Variants in ATG10 observed in about 807,000 individuals in gnomAD.
ATG10 encodes ubiquitin-like-conjugating enzyme ATG10.
In ATG10, 30 loss-of-function variants were observed where a neutral mutation model predicts 32.1. That is an observed-to-expected ratio of 0.94 (90% CI 0.70 to 1.27). ATG10 has a LOEUF of 1.27. ATG10 is among the 50% of genes most tolerant of loss of function. ATG10 has a pLI of 0.00. For synonymous variants in ATG10, 87 were observed against 91.5 expected (o/e 0.95, Z 0.28); for missense variants, 233 against 262.3 (o/e 0.89, Z 0.77).
intron 3 of ATG10, among the ~76,000 whole-genome samples, chr5:82,063,191 C>T (rs1324900598): frequency 1.3e-5 from 2 of 152,014 alleles, no homozygotes; most frequent in African/African-American, 4.8e-5. Flanking sequence ...TGGTGGCATG[C>T]ACCTGTAGTC....
At chr5:82,098,968 T>C (rs933265520) in intron 3 of ATG10, among the ~76,000 whole-genome samples, 2 of 152,210 alleles carry the variant, frequency 1.3e-5, no homozygotes, top group Non-Finnish European at 2.9e-5. Context: ...TAATTTAGAT[T>C]TAACCAGGGA....
intron 2 of ATG10, among the ~76,000 whole-genome samples, chr5:82,027,865 A>C (rs1762638643): frequency 6.6e-6 from 1 of 152,240 alleles, no homozygotes. Flanking sequence ...AGGAAAAGTT[A>C]CGAGTTGAAG....
chr5:82,150,246 T>C (rs1389781645), intron 3 of ATG10, among the ~76,000 whole-genome samples: 1 of 152,014 alleles, frequency 6.6e-6, no homozygotes, highest in Non-Finnish European at 1.5e-5. Context: ...TTTTTTTTTT[T>C]TTCTTTCCCA....
At chr5:82,144,954 A>G (rs1055370270) in intron 3 of ATG10, among the ~76,000 whole-genome samples, 5 of 152,082 alleles carry the variant, frequency 3.3e-5, no homozygotes, top group African/African-American at 1.2e-4. Flanking sequence ...TTTGCTTCAT[A>G]TAATTTTAGT....
chr5:82,145,489 A>G (rs1469157713), intron 3 of ATG10, among the ~76,000 whole-genome samples: 1 of 152,112 alleles, frequency 6.6e-6, no homozygotes, highest in Non-Finnish European at 1.5e-5. Flanking sequence ...AATCTTATAT[A>G]CTTTATATGA....
At chr5:82,018,574 AT>A (rs916803632) in intron 2 of ATG10, among the ~76,000 whole-genome samples, 5 of 151,820 alleles carry the variant, frequency 3.3e-5, no homozygotes, top group African/African-American at 1.2e-4. Context: ...TTCACCTCCT[AT>A]TTTTCTTTCT....
chr5:82,025,643 G>A (rs1205989119), intron 2 of ATG10, among the ~76,000 whole-genome samples: 3 of 152,160 alleles, frequency 2.0e-5, no homozygotes, highest in Non-Finnish European at 4.4e-5. Flanking sequence ...TATGCCGGTA[G>A]TCATAATTAA....
Position 82,139,183 on chromosome 5 carries a change from G to A in ATG10, c.217-25216G>A, listed in dbSNP as rs1296474356. Among the ~76,000 whole-genome samples the A allele has an allele frequency of 4.3e-4, 62 of 144,402 alleles. No homozygotes were observed. The East Asian group carries it at 6.7e-3, about 16-fold the overall frequency. 94.7% of individuals were successfully genotyped at this position (144,402 alleles called of 152,430 possible). A position where few individuals can be genotyped will look rare whatever the true frequency, so the allele number is the denominator to read the frequency against. Reference sequence around the variant, plus strand: ...GGCTGGAGTGCAGTGGCGTGATCTCGGCTCACTACAACCTACACCTCCCAG... The same window carrying A: ...GGCTGGAGTGCAGTGGCGTGATCTCAGCTCACTACAACCTACACCTCCCAG... On this transcript the variant is annotated intron_variant, in intron 3 of 7. Coordinates refer to ENST00000282185, the MANE Select transcript of ATG10 (RefSeq NM_031482.5).
At chr5:82,068,623 C>T (rs1764019872) in intron 3 of ATG10, among the ~76,000 whole-genome samples, 1 of 149,166 alleles carries the variant, frequency 6.7e-6, no homozygotes, top group Non-Finnish European at 1.5e-5. Context: ...TTAGGTGGCT[C>T]TTTTTTCATG....
At chr5:82,164,014 C>T (rs1743475935) in intron 3 of ATG10, among the ~76,000 whole-genome samples, 1 of 152,162 alleles carries the variant, frequency 6.6e-6, no homozygotes, top group Non-Finnish European at 1.5e-5. Flanking sequence ...TTCACAGCCT[C>T]TTGTTCAATT....
intron 2 of ATG10, among the ~76,000 whole-genome samples, chr5:81,993,176 CA>C (rs1189705154): frequency 6.6e-6 from 1 of 152,040 alleles, no homozygotes; most frequent in Non-Finnish European, 1.5e-5. Context: ...TTAATGTCTC[CA>C]AACTCTATTT....
At chr5:82,026,567 T>A (rs191332925) in intron 2 of ATG10, among the ~76,000 whole-genome samples, 1 of 152,334 alleles carries the variant, frequency 6.6e-6, no homozygotes, top group East Asian at 1.9e-4. Context: ...AAGTAAAACA[T>A]TGATTTTGTT....
In ATG10 at chr5:82,011,695, T is replaced by C. The variant is rs144755637; in HGVS notation, c.108+24017T>C. ...AGTAGGCTTCTCCACTTCCTGATGG[T>C]TCTGTGTGGGTTGGGGAGCACATTC... On this transcript the variant is annotated intron_variant, in intron 2 of 7. Coordinates refer to ENST00000282185, the MANE Select transcript of ATG10 (RefSeq NM_031482.5). Among the ~76,000 whole-genome samples, 314 of 152,314 alleles carry C rather than the reference T, an allele frequency of 2.1e-3. 3 individuals are homozygous for C. The highest frequency in any genetic ancestry group is 6.7e-3 in the African/African-American group (279 of 41,574).
intron 3 of ATG10, among the ~76,000 whole-genome samples, chr5:82,070,090 T>C (rs1231880055): frequency 6.6e-6 from 1 of 152,172 alleles, no homozygotes; most frequent in Admixed American, 6.5e-5. Flanking sequence ...ATAGGAGCCT[T>C]AGGATAGAGA....
At chr5:82,240,234 G>A (rs1746730954) in intron 5 of ATG10, among the ~76,000 whole-genome samples, 1 of 152,148 alleles carries the variant, frequency 6.6e-6, no homozygotes, top group Non-Finnish European at 1.5e-5. Flanking sequence ...GTTTATTGCA[G>A]CACTATTCAC....
intron 5 of ATG10, among the ~76,000 whole-genome samples, chr5:82,219,576 A>G (rs369495746): frequency 6.8e-6 from 1 of 147,778 alleles, no homozygotes; most frequent in African/African-American, 2.5e-5. Flanking sequence ...TGAGGCTTAT[A>G]TGTTGCTTAG....
intron 3 of ATG10, among the ~76,000 whole-genome samples, chr5:82,112,899 C>T (rs755663100): frequency 1.3e-5 from 2 of 151,752 alleles, no homozygotes; most frequent in Admixed American, 6.6e-5. Flanking sequence ...TTGGTATCAG[C>T]CTTGGGATAT....
intron 2 of ATG10, among the ~76,000 whole-genome samples, chr5:82,016,797 T>C (rs902228629): frequency 1.3e-5 from 2 of 151,972 alleles, no homozygotes; most frequent in Admixed American, 1.3e-4. Flanking sequence ...CACACCATTC[T>C]CCTGCCTCAG....
At chr5:82,022,013 A>C (rs1762454586) in intron 2 of ATG10, among the ~76,000 whole-genome samples, 1 of 148,694 alleles carries the variant, frequency 6.7e-6, no homozygotes, top group Non-Finnish European at 1.5e-5. Flanking sequence ...ACAGAGTGAG[A>C]CGCTGTCTCA....
Sources: allele counts gnomAD v4.1 joint callset (sites outside exome capture counted in the v4.1 genomes callset), GRCh38; gene constraint gnomAD v4.1.1; transcripts MANE v1.5; gene names NCBI Gene and HGNC (gene_info 2026-07-23, HGNC 2026-07-21).